NPIPB2: variants seen among roughly 807,000 people sequenced by gnomAD.
NPIPB2 encodes nuclear pore complex-interacting protein family member B2.
NPIPB2 carries 27 observed loss-of-function variants against 30.8 expected under a neutral mutation model. That is an observed-to-expected ratio of 0.88 (90% confidence interval 0.65 to 1.21). NPIPB2 has a LOEUF of 1.21. NPIPB2 is among the 50% of genes most tolerant of loss of function. The pLI, the probability that NPIPB2 is intolerant of heterozygous loss-of-function variation, is 0.00. For missense variants in NPIPB2, 440 were observed against 446.2 expected (o/e 0.99, Z 0.13); for synonymous variants, 147 against 162.0 (o/e 0.91, Z 0.70).
intron 1 of NPIPB2, among the ~76,000 whole-genome samples, chr16:11,957,559 G>T (rs560562466): frequency 6.6e-6 from 1 of 152,216 alleles, no homozygotes; most frequent in Admixed American, 6.6e-5. Flanking sequence ...CTCCCAAAGT[G>T]CTGGGATTAC....
intron 1 of NPIPB2, among the ~76,000 whole-genome samples, chr16:11,974,802 G>A (rs988723143): frequency 6.6e-6 from 1 of 152,066 alleles, no homozygotes; most frequent in Non-Finnish European, 1.5e-5. Flanking sequence ...TGCAGGGCGC[G>A]GTGGCTCACG....
intron 1 of NPIPB2, among the ~76,000 whole-genome samples, chr16:11,940,473 G>A (rs1316127080): frequency 6.7e-6 from 1 of 149,456 alleles, no homozygotes; most frequent in Non-Finnish European, 1.5e-5. Context: ...AGGCGCGGTG[G>A]CTCACGCCTG....
intron 1 of NPIPB2, chr16:11,967,894 G>C (rs1169405635): frequency 6.3e-7 from 1 of 1,587,360 alleles, no homozygotes; most frequent in Non-Finnish European, 8.6e-7. Context: ...TCTTTTGTCA[G>C]AATAGATGAT....
chr16:11,975,290 G>T (rs138816062), intron 1 of NPIPB2, among the ~76,000 whole-genome samples: 4,055 of 139,798 alleles, frequency 0.029, 215 homozygotes, highest in African/African-American at 0.1. Context: ...TGGGACTACA[G>T]GCGCCCGCCA....
chr16:11,938,376 G>A (rs2054895502), intron 1 of NPIPB2, among the ~76,000 whole-genome samples: 1 of 151,820 alleles, frequency 6.6e-6, no homozygotes, highest in African/African-American at 2.4e-5. Flanking sequence ...TGTCACCCAG[G>A]CTGGAGTGCA....
intron 1 of NPIPB2, among the ~76,000 whole-genome samples, chr16:11,960,353 C>CTT (rs35099223): frequency 8.9e-4 from 113 of 126,352 alleles, no homozygotes; most frequent in East Asian, 2.0e-3. Context: ...GTATGGTTCC[C>CTT]TTTTTTTTTT....
chr16:11,972,884 G>C (rs981691633), intron 1 of NPIPB2, among the ~76,000 whole-genome samples: 1 of 151,822 alleles, frequency 6.6e-6, no homozygotes, highest in African/African-American at 2.4e-5. Flanking sequence ...AAAATAGCTG[G>C]GCGTGGAGGC....
chr16:11,941,948 CA>C (rs1270225091), intron 1 of NPIPB2, 34 bp downstream of exon 1: 41 of 1,018,428 alleles, frequency 4.0e-5, no homozygotes, highest in African/African-American at 3.6e-4. Context: ...ACATAAAAAA[CA>C]AATGATGGCA....
chr16:11,957,903 A>G (rs1272159826), intron 1 of NPIPB2, among the ~76,000 whole-genome samples: 1 of 152,156 alleles, frequency 6.6e-6, no homozygotes. Context: ...CTCTGTCTCT[A>G]GCTCTGTATC....
intron 1 of NPIPB2, among the ~76,000 whole-genome samples, chr16:11,974,815 T>C (rs1469687751): frequency 6.6e-6 from 1 of 152,090 alleles, no homozygotes; most frequent in Admixed American, 6.6e-5. Flanking sequence ...GGCTCACGCC[T>C]GTAATCCCAG....
chr16:11,973,301 CAA>C (rs2055247250), intron 1 of NPIPB2, among the ~76,000 whole-genome samples: 3 of 152,104 alleles, frequency 2.0e-5, no homozygotes, highest in African/African-American at 7.2e-5. Context: ...TGCCCTTGGC[CAA>C]GAGGCGGGCT....
At chr16:11,941,566 C>T (rs1046285356) in intron 1 of NPIPB2, among the ~76,000 whole-genome samples, 9 of 150,672 alleles carry the variant, frequency 6.0e-5, no homozygotes, top group African/African-American at 2.0e-4. Flanking sequence ...ACAGGACACG[C>T]GGGGCAAGGG....
In NPIPB2 at chr16:11,967,700, G is replaced by A. The variant is rs771402950; in HGVS notation, c.-584+8868C>T. The A allele has an allele frequency of 3.1e-6, 5 of 1,614,160 alleles. No homozygotes were observed. The East Asian group carries it at 6.7e-5, about 22-fold the overall frequency. ...GTGAAGACTGCATCAAGAGCAAACC[G>A]AAGGTCGACTCTGACCATTGCTTTC... On this transcript the variant is annotated intron_variant, in intron 1 of 5. Coordinates refer to the NPIPB2 transcript ENST00000538896.
intron 1 of NPIPB2, among the ~76,000 whole-genome samples, chr16:11,950,366 T>C (rs1302422621): frequency 6.6e-6 from 1 of 152,032 alleles, no homozygotes; most frequent in African/African-American, 2.4e-5. Flanking sequence ...GATAGGGTCT[T>C]ATTATGTTGC....
intron 1 of NPIPB2, among the ~76,000 whole-genome samples, chr16:11,953,927 T>A (rs534969838): frequency 6.6e-6 from 1 of 151,760 alleles, no homozygotes; most frequent in Non-Finnish European, 1.5e-5. Context: ...TTGCCCGCCT[T>A]GGCCTCCCAA....
chr16:11,975,145 T>TCTTTC, intron 1 of NPIPB2, among the ~76,000 whole-genome samples: 1 of 54,468 alleles, frequency 1.8e-5, no homozygotes, highest in Middle Eastern at 6.9e-3. Context: ...CATCACCTTT[T>TCTTTC]TTTTTTTTTT....
chr16:11,945,370 G>T (rs1303355418), upstream of NPIPB2, among the ~76,000 whole-genome samples: 1 of 151,982 alleles, frequency 6.6e-6, no homozygotes, highest in Non-Finnish European at 1.5e-5. Context: ...AACATAGTGA[G>T]ACCGTGTTTC....
intron 1 of NPIPB2, among the ~76,000 whole-genome samples, chr16:11,957,165 CTTT>C (rs34981281): frequency 5.9e-5 from 7 of 118,932 alleles, no homozygotes; most frequent in African/African-American, 6.6e-5. Flanking sequence ...CTAACTTTTT[CTTT>C]TTTTTTTTTT....
At chr16:11,969,235 C>T (rs548876243) in intron 1 of NPIPB2, among the ~76,000 whole-genome samples, 5 of 152,068 alleles carry the variant, frequency 3.3e-5, no homozygotes, top group South Asian at 2.1e-4. Flanking sequence ...CAGGAAGGAT[C>T]GGATGTTTCT....
Sources: allele counts gnomAD v4.1 joint callset (sites outside exome capture counted in the v4.1 genomes callset), GRCh38; gene constraint gnomAD v4.1.1; transcripts MANE v1.5; gene names NCBI Gene and HGNC (gene_info 2026-07-23, HGNC 2026-07-21).